The following THAP4 variants were observed in gnomAD, a reference collection of about 807,000 sequenced individuals.
THAP4 encodes peroxynitrite isomerase THAP4.
THAP4 carries 18 observed loss-of-function variants against 48.1 expected under a neutral mutation model. The ratio of observed to expected loss-of-function variants is 0.37; its 90% CI spans 0.26 to 0.56. THAP4 has a LOEUF of 0.56. Among genes scored for constraint, THAP4 ranks in the 20% least tolerant of loss-of-function variants. The probability of loss-of-function intolerance (pLI) is 0.78; values close to 1 mark genes in which losing one functional copy is unlikely to be tolerated. For synonymous variants in THAP4, 345 were observed against 324.9 expected (o/e 1.06, Z -0.66); for missense variants, 656 against 774.9 (o/e 0.85, Z 1.82).
At chr2:241,615,346 A>G (rs1468142251) in intron 2 of THAP4, among the ~76,000 whole-genome samples, 2 of 152,232 alleles carry the variant, frequency 1.3e-5, no homozygotes, top group Admixed American at 1.3e-4. Flanking sequence ...TAAAAATGTT[A>G]TAAAGAAAAA....
intron 2 of THAP4, among the ~76,000 whole-genome samples, chr2:241,619,483 G>A (rs541194455): frequency 6.6e-6 from 1 of 152,372 alleles, no homozygotes; most frequent in Non-Finnish European, 1.5e-5. Flanking sequence ...ACACCCCAGT[G>A]TGTTACTGAA....
At chr2:241,590,489 C>T (rs1045497947) in intron 5 of THAP4, among the ~76,000 whole-genome samples, 7 of 149,094 alleles carry the variant, frequency 4.7e-5, no homozygotes, top group Admixed American at 4.0e-4. Flanking sequence ...CAGAGCTGCT[C>T]GGCTGATGAT....
rs575856797 is a variant in THAP4 at position 241,623,616 on chromosome 2, C to A, written c.1240+9301G>T. On this transcript the variant is annotated intron_variant, in intron 2 of 5. Transcript: ENST00000407315. ...AGGAAAAAAAAAAAGAGAGAAGGTA[C>A]AAATTATTGATATCATTTAAAAAAA... Among the ~76,000 whole-genome samples the A allele has an allele frequency of 3.3e-4, 49 of 150,138 alleles. No individual in the cohort carries two copies. The East Asian group carries it at 8.0e-3, about 25-fold the overall frequency.
chr2:241,633,649 C>T lies in THAP4; in HGVS notation c.508G>A (p.Ala170Thr). Residue 170 changes from alanine (A) to threonine (T), a missense_variant, in exon 2 of 6, where the codon GCT becomes ACT. Coordinates refer to ENST00000407315, the MANE Select transcript of THAP4 (RefSeq NM_015963.6). The surrounding 1 kb of genome is among the most constrained non-coding windows in gnomAD (Gnocchi z 7.5). ...EAASQEQAQQ[A>T]LERTPGDGLA... ...CCATCTCCTGGAGTCCGTTCCAGAG[C>T]TTGCTGGGCCTGCTCCTGGCTGGCG... 5 of 1,612,548 alleles carry T rather than the reference C, an allele frequency of 3.1e-6. No individual in the cohort carries two copies. Among genetic ancestry groups the T allele is most frequent in the Non-Finnish European group, 4.2e-6 (5 of 1,179,948 alleles).
At chr2:241,614,638 C>A (rs1427058861) in intron 2 of THAP4, among the ~76,000 whole-genome samples, 5 of 152,154 alleles carry the variant, frequency 3.3e-5, no homozygotes, top group Admixed American at 2.0e-4. Flanking sequence ...GTAATCCCAG[C>A]ACTTTGGGAG....
Position 241,610,053 on chromosome 2 carries a change from G to C in THAP4, c.1241-3580C>G, listed in dbSNP as rs952192468. 1.3e-5 allele frequency among the ~76,000 whole-genome samples: 2 copies of C among 152,188 alleles called. No individual in the cohort carries two copies. The highest frequency in any genetic ancestry group is 1.9e-4 in the East Asian group (1 of 5,182). Reference sequence around the variant, plus strand: ...CTCCACCCCTCACGCCCGAGTCCCCGGCACGGCCACCACCGGCCCCTGGGT... The same window carrying C: ...CTCCACCCCTCACGCCCGAGTCCCCCGCACGGCCACCACCGGCCCCTGGGT... On this transcript the variant is annotated intron_variant, in intron 2 of 5. Transcript: ENST00000407315. This position sits in a 1 kb window ranked among gnomAD's most constrained non-coding sequence, Gnocchi z 4.2.
intron 5 of THAP4, among the ~76,000 whole-genome samples, chr2:241,600,741 A>AAG (rs1432138696): frequency 6.6e-6 from 1 of 151,504 alleles, no homozygotes; most frequent in African/African-American, 2.4e-5. Context: ...AAAAAAAAAA[A>AAG]AAAGAAAGAA....
chr2:241,635,176 T>C (rs1432563334), intron 1 of THAP4, among the ~76,000 whole-genome samples: 1 of 152,228 alleles, frequency 6.6e-6, no homozygotes, highest in Non-Finnish European at 1.5e-5. Flanking sequence ...TCCCAGCTAC[T>C]CTGGAGGCTG....
intron 2 of THAP4, among the ~76,000 whole-genome samples, chr2:241,608,909 C>G (rs2067224820): frequency 1.3e-5 from 2 of 152,220 alleles, no homozygotes; most frequent in South Asian, 4.1e-4. Flanking sequence ...GAAGAGCAGA[C>G]CAGGTGGAAG....
At chr2:241,618,380 T>C (rs1003656097) in intron 2 of THAP4, among the ~76,000 whole-genome samples, 1 of 152,242 alleles carries the variant, frequency 6.6e-6, no homozygotes, top group Non-Finnish European at 1.5e-5. Context: ...TGAGTCTCAA[T>C]TGAAGAACTA....
intron 2 of THAP4, among the ~76,000 whole-genome samples, chr2:241,619,691 GGGTGAGTGAGTC>G (rs1180361427): frequency 4.6e-5 from 7 of 151,602 alleles, no homozygotes; most frequent in Non-Finnish European, 1.0e-4. Flanking sequence ...GAGGGGTGAG[GGGTGAGTGAGTC>G]GGTGAGTGAA....
rs2067248085 is a variant in THAP4, at chr2:241,610,196, A to G, written c.1241-3723T>C. On this transcript the variant is annotated intron_variant, in intron 2 of 5. Transcript: ENST00000407315. The surrounding 1 kb of genome is among the most constrained non-coding windows in gnomAD (Gnocchi z 4.2). ...GCCTTCACACTCCCCACGAGGCAGG[A>G]CAGCCCCGGGCTAGGGTGAGGGGCA... 6.6e-6 allele frequency among the ~76,000 whole-genome samples: 1 copy of G among 152,160 alleles called. No individual in the cohort carries two copies. Among genetic ancestry groups the G allele is most frequent in the Non-Finnish European group, 1.5e-5 (1 of 68,002 alleles).
In THAP4 at chr2:241,616,165, T is replaced by C. The variant is rs139896118; in HGVS notation, c.1241-9692A>G. Reference sequence around the variant, plus strand: ...ATCTATTCCCCCAAGTGGGCCTGGATGGGCCAGAACCTTTTACGTAGGAGG... The same window carrying C: ...ATCTATTCCCCCAAGTGGGCCTGGACGGGCCAGAACCTTTTACGTAGGAGG... On this transcript the variant is annotated intron_variant, in intron 2 of 5. Transcript: ENST00000407315. This position sits in a 1 kb window ranked among gnomAD's most constrained non-coding sequence, Gnocchi z 4.6. 3.5e-3 allele frequency among the ~76,000 whole-genome samples: 535 copies of C among 152,324 alleles called. 2 individuals carry two copies. Among genetic ancestry groups the C allele is most frequent in the Middle Eastern group, 0.017 (5 of 294 alleles).
At position 241,612,010 on chromosome 2, in the gene THAP4, C is replaced by A. The variant is rs2125084772; in HGVS notation, c.1241-5537G>T. ...CTAGACCACTGGGGCTCAAGTGATT[C>A]TCCCGCCTCAGCCTCCCGAGTAGTT... On this transcript the variant is annotated intron_variant, in intron 2 of 5. Transcript: ENST00000407315. The surrounding 1 kb of genome is among the most constrained non-coding windows in gnomAD (Gnocchi z 4.1). Among the ~76,000 whole-genome samples the A allele has an allele frequency of 6.6e-6, 1 of 152,274 alleles. No individual in the cohort carries two copies. Among genetic ancestry groups the A allele is most frequent in the South Asian group, 2.1e-4 (1 of 4,826 alleles).
intron 2 of THAP4, among the ~76,000 whole-genome samples, chr2:241,607,888 C>A (rs1424042429): frequency 1.7e-5 from 2 of 119,770 alleles, no homozygotes; most frequent in East Asian, 2.6e-4. Context: ...CAGGCCCGCG[C>A]AAGCAGAAGA....
rs2067681318 is a variant in THAP4 at position 241,637,063 on chromosome 2, C to T, written c.-46G>A. On this transcript the variant is annotated 5_prime_UTR_variant, in exon 1 of 6. Coordinates refer to ENST00000407315, the MANE Select transcript of THAP4 (RefSeq NM_015963.6). Reference sequence around the variant, plus strand: ...CGCAGCCAGGCCCCGGCCCTAGCCGCCCGCCCGCCCGCGGACCGCCCCGAG... The same window carrying T: ...CGCAGCCAGGCCCCGGCCCTAGCCGTCCGCCCGCCCGCGGACCGCCCCGAG... 9.1e-7 allele frequency: 1 copy of T among 1,104,938 alleles called. No homozygotes were observed. The highest frequency in any genetic ancestry group is 1.1e-6 in the Non-Finnish European group (1 of 900,570). 68.4% of individuals were successfully genotyped at this position (1,104,938 alleles called of 1,614,324 possible). A position where few individuals can be genotyped will look rare whatever the true frequency, so the allele number is the denominator to read the frequency against.
chr2:241,605,547 A>T (rs6414219), intron 3 of THAP4, among the ~76,000 whole-genome samples: 53,655 of 151,838 alleles, frequency 0.35, 10,022 homozygotes, highest in East Asian at 0.59. Context: ...ACCTGTGGGG[A>T]GCAGGTGGTG....
chr2:241,615,319 T>C (rs1376619656), intron 2 of THAP4, among the ~76,000 whole-genome samples: 1 of 152,182 alleles, frequency 6.6e-6, no homozygotes, highest in Non-Finnish European at 1.5e-5. Context: ...GTTTCACTTA[T>C]GCGAATTACA....
chr2:241,604,206 T>C (rs1474173092), intron 3 of THAP4, among the ~76,000 whole-genome samples: 1 of 152,130 alleles, frequency 6.6e-6, no homozygotes, highest in Non-Finnish European at 1.5e-5. Context: ...CCTGAGTAGC[T>C]GGGATTACAG....
Sources: allele counts gnomAD v4.1 joint callset (sites outside exome capture counted in the v4.1 genomes callset), GRCh38; gene constraint gnomAD v4.1.1; non-coding constraint Gnocchi (gnomAD v3.1); transcripts MANE v1.5; gene names NCBI Gene and HGNC (gene_info 2026-07-23, HGNC 2026-07-21).